Variants in MYO18B observed in about 807,000 individuals in gnomAD.
MYO18B encodes the protein unconventional myosin-XVIIIb.
In MYO18B, 204 loss-of-function variants were observed where a neutral mutation model predicts 273.0. The ratio of observed to expected loss-of-function variants is 0.75; its 90% confidence interval spans 0.67 to 0.84. The LOEUF (loss-of-function observed/expected upper bound fraction) is 0.84, where lower values mean the gene tolerates loss of function less well. Among genes scored for constraint, MYO18B ranks in the 40% least tolerant of loss-of-function variants. The probability of loss-of-function intolerance (pLI) is 0.00; values close to 1 mark genes in which losing one functional copy is unlikely to be tolerated. For synonymous variants in MYO18B, 1,330 were observed against 1,305.7 expected (o/e 1.02, Z -0.40); for missense variants, 3,212 against 3,287.6 (o/e 0.98, Z 0.56).
At chr22:25,939,471 T>G (rs990173846) in intron 34 of MYO18B, among the ~76,000 whole-genome samples, 1 of 152,076 alleles carries the variant, frequency 6.6e-6, no homozygotes, top group East Asian at 1.9e-4. Context: ...TCAGAAAGAG[T>G]GAACTTTATT....
intron 7 of MYO18B, among the ~76,000 whole-genome samples, chr22:25,777,044 G>T (rs1175851936): frequency 1.3e-5 from 2 of 152,180 alleles, no homozygotes; most frequent in African/African-American, 4.8e-5. Flanking sequence ...GTGCCCGAGT[G>T]CCTGCTGCAT....
intron 12 of MYO18B, among the ~76,000 whole-genome samples, chr22:25,800,799 C>G (rs1372113441): frequency 1.3e-5 from 2 of 152,244 alleles, no homozygotes; most frequent in African/African-American, 4.8e-5. Flanking sequence ...GGGGCCCCCG[C>G]CCCCTGATGT....
At chr22:25,762,273 C>T (rs1216606725) in intron 2 of MYO18B, among the ~76,000 whole-genome samples, 1 of 152,258 alleles carries the variant, frequency 6.6e-6, no homozygotes, top group Admixed American at 6.5e-5. Flanking sequence ...ATGGCCTTGT[C>T]TCCTGGCCTT....
At chr22:26,017,025 TTTCCTTCCTTCCTTCCTTCCTTCC>T (rs59617056) in intron 42 of MYO18B, among the ~76,000 whole-genome samples, 34 of 124,240 alleles carry the variant, frequency 2.7e-4, no homozygotes, top group African/African-American at 5.8e-4. Flanking sequence ...ATTAGGCTAA[TTTCCTTCCTTCCTTCCTTCCTTCC>T]TTCCTTCCTT....
chr22:25,881,878 A>G (rs573296531), intron 25 of MYO18B, among the ~76,000 whole-genome samples: 1 of 146,418 alleles, frequency 6.8e-6, no homozygotes, highest in South Asian at 2.2e-4. Flanking sequence ...TGATGAGTGT[A>G]TGGAAGCCAG....
intron 26 of MYO18B, 133 bp from the exon 27 acceptor site, chr22:25,891,171 G>A (rs1182603318): frequency 1.3e-6 from 1 of 742,056 alleles, no homozygotes; most frequent in Non-Finnish European, 2.2e-6. Flanking sequence ...GCTAGCCCAT[G>A]GTCCTGGATT....
intron 34 of MYO18B, among the ~76,000 whole-genome samples, chr22:25,925,702 TG>T (rs765554421): frequency 2.0e-5 from 3 of 148,540 alleles, no homozygotes; most frequent in Non-Finnish European, 4.5e-5. Context: ...GTCAGGAGTT[TG>T]AGACCAGCCT....
intron 10 of MYO18B, 127 bp downstream of exon 10, chr22:25,781,961 C>T (rs964932920): frequency 1.2e-5 from 7 of 600,406 alleles, no homozygotes; most frequent in East Asian, 6.7e-5. Context: ...AGGAACATGG[C>T]GTCCGATTCC....
intron 12 of MYO18B, among the ~76,000 whole-genome samples, chr22:25,799,536 G>T (rs976184674): frequency 3.3e-5 from 5 of 152,194 alleles, no homozygotes; most frequent in African/African-American, 7.2e-5. Flanking sequence ...ACTGGAAGTT[G>T]CTTATTGAAT....
intron 14 of MYO18B, among the ~76,000 whole-genome samples, chr22:25,827,092 A>G (rs2089521825): frequency 6.6e-6 from 1 of 152,156 alleles, no homozygotes; most frequent in Admixed American, 6.5e-5. Context: ...ATTCTTCCTA[A>G]CAGTGATTGT....
intron 11 of MYO18B, among the ~76,000 whole-genome samples, chr22:25,789,572 G>A (rs2087563637): frequency 1.3e-5 from 2 of 151,646 alleles, no homozygotes; most frequent in Admixed American, 6.6e-5. Context: ...GGAGGCAGAG[G>A]CTGCAGTGAG....
At chr22:25,902,974 C>T (rs1040976394) in intron 30 of MYO18B, 19 of 458,326 alleles carry the variant, frequency 4.1e-5, no homozygotes, top group African/African-American at 1.2e-4. Flanking sequence ...GCACAGGTTC[C>T]GAGGTGCTTA....
At chr22:25,903,569 C>T in intron 30 of MYO18B, 62 bp from the exon 31 acceptor site, 1 of 1,504,218 alleles carries the variant, frequency 6.6e-7, no homozygotes, top group Non-Finnish European at 9.0e-7. Flanking sequence ...TAGAGGTATC[C>T]CTGGGGGAGG....
At chr22:25,894,034 T>G (rs1458288970) in intron 27 of MYO18B, among the ~76,000 whole-genome samples, 1 of 152,180 alleles carries the variant, frequency 6.6e-6, no homozygotes, top group Non-Finnish European at 1.5e-5. Context: ...CATTCAACTA[T>G]CCACCTTTCC....
At chr22:25,800,357 G>A (rs1162961441) in intron 12 of MYO18B, among the ~76,000 whole-genome samples, 9 of 152,214 alleles carry the variant, frequency 5.9e-5, no homozygotes, top group South Asian at 2.1e-4. Flanking sequence ...CATGCTCAGC[G>A]CTTGGCTGTT....
At chr22:26,010,402 C>T (rs1045440752) in intron 42 of MYO18B, among the ~76,000 whole-genome samples, 2 of 152,186 alleles carry the variant, frequency 1.3e-5, no homozygotes, top group Non-Finnish European at 2.9e-5. Context: ...GAGAGTTCAA[C>T]AGGGCCTGAC....
intron 42 of MYO18B, among the ~76,000 whole-genome samples, chr22:26,009,895 A>G (rs1346822008): frequency 6.6e-6 from 1 of 152,092 alleles, no homozygotes; most frequent in African/African-American, 2.4e-5. Flanking sequence ...ACGTCTTTAT[A>G]TTCTCCCAAG....
chr22:25,887,340 G>A (rs1047160361), intron 25 of MYO18B, among the ~76,000 whole-genome samples: 2 of 152,122 alleles, frequency 1.3e-5, no homozygotes, highest in African/African-American at 4.8e-5. Flanking sequence ...TGAAATCCCA[G>A]TTACTCACTG....
intron 34 of MYO18B, among the ~76,000 whole-genome samples, chr22:25,936,449 A>T (rs2092579516): frequency 6.6e-6 from 1 of 152,208 alleles, no homozygotes. Flanking sequence ...GACTTACAGG[A>T]AAAAGCTGTG....
Sources: gnomAD v4.1 joint callset for allele counts (sites outside exome capture counted in the v4.1 genomes callset) on GRCh38, gnomAD v4.1.1 for gene constraint, MANE v1.5 for transcripts, NCBI Gene and HGNC (gene_info 2026-07-23, HGNC 2026-07-21) for gene names.